The following PLCG2 variants were observed in gnomAD, a reference collection of about 807,000 sequenced individuals.
PLCG2 encodes 1-phosphatidylinositol 4,5-bisphosphate phosphodiesterase gamma-2.
Under a neutral mutation model 175.6 loss-of-function variants are expected in PLCG2, and 69 were observed. The ratio of observed to expected loss-of-function variants is 0.39; its 90% confidence interval spans 0.32 to 0.48. The LOEUF is 0.48. Ranked by LOEUF, PLCG2 falls within the 20% of genes least tolerant of loss-of-function variation. PLCG2 has a pLI of 0.91. For synonymous variants in PLCG2, 827 were observed against 624.0 expected, an observed-to-expected ratio of 1.33 and a Z score of -4.85; for missense variants, 1,798 against 1,650.9, an observed-to-expected ratio of 1.09 and a Z score of -1.54.
chr16:81,805,067 C>T (rs1911931826), intron 2 of PLCG2, among the ~76,000 whole-genome samples: 1 of 152,198 alleles, frequency 6.6e-6, no homozygotes, highest in Non-Finnish European at 1.5e-5. Flanking sequence ...GGAACAACAT[C>T]AGACACTTTT....
intron 2 of PLCG2, among the ~76,000 whole-genome samples, chr16:81,802,604 C>G (rs1597326812): frequency 6.6e-6 from 1 of 152,032 alleles, no homozygotes; most frequent in East Asian, 1.9e-4. Flanking sequence ...TGGAGTTTCA[C>G]TCTTGTCGCC....
At chr16:81,915,071 T>A (rs1909787163) in intron 19 of PLCG2, among the ~76,000 whole-genome samples, 1 of 152,240 alleles carries the variant, frequency 6.6e-6, no homozygotes. Flanking sequence ...AGCGTCACTG[T>A]CCTTCACTGA....
At position 81,961,213 on chromosome 16, in the gene PLCG2, G is replaced by A. The variant is rs951957100; in HGVS notation, c.*3215G>A. On this transcript the variant is annotated 3_prime_UTR_variant, in exon 33 of 33. Transcript: ENST00000564138. ...GTGATTCTGCTATCATAAAGCTTCC[G>A]TTCCCATTGATGTATCTGTGTGAAC... 1.8e-5 allele frequency: 4 copies of A among 226,426 alleles called. No individual in the cohort carries two copies. Among genetic ancestry groups the A allele is most frequent in the Admixed American group, 5.7e-5 (1 of 17,528 alleles). 14.0% of individuals were successfully genotyped at this position (226,426 alleles called of 1,614,324 possible).
At chr16:81,760,587 A>G (rs1008807573) in intron 2 of PLCG2, among the ~76,000 whole-genome samples, 2 of 151,830 alleles carry the variant, frequency 1.3e-5, no homozygotes, top group African/African-American at 4.8e-5. Context: ...TTTGCTGGGC[A>G]CCCAAAAAGA....
chr16:81,859,218 C>G, intron 5 of PLCG2, 55 bp downstream of exon 5: 1 of 1,155,816 alleles, frequency 8.7e-7, no homozygotes, highest in Non-Finnish European at 1.3e-6. Flanking sequence ...CTCATTCTAT[C>G]TTTAAACCTT....
intron 2 of PLCG2, among the ~76,000 whole-genome samples, chr16:81,839,764 A>G (rs1414302302): frequency 6.6e-6 from 1 of 152,232 alleles, no homozygotes; most frequent in Non-Finnish European, 1.5e-5. Context: ...AATGATGAAC[A>G]TTTAGGCTGG....
intron 30 of PLCG2, among the ~76,000 whole-genome samples, chr16:81,943,893 C>G (rs893288378): frequency 6.6e-6 from 1 of 152,114 alleles, no homozygotes; most frequent in Non-Finnish European, 1.5e-5. Context: ...TTTATACCCC[C>G]TCAAACTGTC....
Position 81,960,808 on chromosome 16 carries a change from C to G in PLCG2, c.*2810C>G, listed in dbSNP as rs911727860. 2 of 229,694 alleles carry G rather than the reference C, an allele frequency of 8.7e-6. No individual in the cohort carries two copies. The highest frequency in any genetic ancestry group is 1.7e-5 in the Non-Finnish European group (2 of 115,922). The allele number at this position is 229,694 out of a possible 1,614,324, so 14.2% of individuals were successfully genotyped here. A position where few individuals can be genotyped will look rare whatever the true frequency, so the allele number is the denominator to read the frequency against. On this transcript the variant is annotated 3_prime_UTR_variant, in exon 33 of 33. Transcript: ENST00000564138. ...CCTTTAGATTAAGCTAGCCTTACCCCTGGGAGTATACCAGAGCTTTCCAAG... is the reference window on the plus strand; with the variant it reads ...CCTTTAGATTAAGCTAGCCTTACCCGTGGGAGTATACCAGAGCTTTCCAAG...
chr16:81,908,556 C>T lies in PLCG2; in HGVS notation c.1698C>T (p.Ser566=), dbSNP rs11548654. The T allele has an allele frequency of 2.4e-5, 38 of 1,612,306 alleles. No individual in the cohort carries two copies. The highest frequency in any genetic ancestry group is 8.9e-5 in the East Asian group (4 of 44,880). ...GKDGTFLVRE[S]ETFPNDYTLS... The stretch of plus-strand genomic sequence containing the variant: ...ATGGCACCTTCCTGGTTCGGGAGAG[C>T]GAGACCTTCCCCAATGACTACACCC... Residue 566 remains serine, a synonymous_variant, in exon 17 of 33, where the codon AGC becomes AGT. Transcript: ENST00000564138.
At chr16:81,820,173 A>G (rs1423760406) in intron 2 of PLCG2, among the ~76,000 whole-genome samples, 1 of 152,256 alleles carries the variant, frequency 6.6e-6, no homozygotes, top group African/African-American at 2.4e-5. Flanking sequence ...TATACAATAA[A>G]AGGCACTCAT....
intron 7 of PLCG2, 119 bp downstream of exon 7, chr16:81,871,054 C>A: frequency 1.8e-6 from 1 of 566,488 alleles, no homozygotes; most frequent in Non-Finnish European, 3.1e-6. Flanking sequence ...GTCAAGGAAA[C>A]ATAAATGAGA....
intron 5 of PLCG2, among the ~76,000 whole-genome samples, chr16:81,860,317 C>G (rs1056351193): frequency 2.6e-5 from 4 of 151,916 alleles, no homozygotes; most frequent in African/African-American, 9.7e-5. Context: ...TGCTCCCAAT[C>G]CTTTATCATT....
chr16:81,908,677 G>C (rs1909486025), intron 17 of PLCG2, 86 bp downstream of exon 17: 2 of 1,210,158 alleles, frequency 1.7e-6, no homozygotes, highest in Admixed American at 2.5e-5. Flanking sequence ...GCTCAGGCAG[G>C]AATTGGGCAG....
At chr16:81,767,398 G>A (rs1235352524) in intron 2 of PLCG2, 1 of 151,998 alleles carries the variant, frequency 6.6e-6, no homozygotes, top group African/African-American at 2.4e-5. Context: ...CCCCGCCTTG[G>A]CCTACCAAAG....
rs953772826 is a variant in PLCG2, at chr16:81,960,270, T to C, written c.*2272T>C. On this transcript the variant is annotated 3_prime_UTR_variant, in exon 33 of 33. Coordinates refer to ENST00000564138, the MANE Select transcript of PLCG2 (RefSeq NM_002661.5). ...TGGTATGATGGCTCTTCCCAGAGTCTATGTGATGCTACATAACTTCAGTAT... is the reference window on the plus strand; with the variant it reads ...TGGTATGATGGCTCTTCCCAGAGTCCATGTGATGCTACATAACTTCAGTAT... The C allele has an allele frequency of 6.3e-5, 14 of 220,752 alleles. No homozygotes were observed. In the Admixed American group the frequency reaches 6.9e-4, roughly 11 times the overall value. 13.7% of individuals were successfully genotyped at this position (220,752 alleles called of 1,614,324 possible). A position where few individuals can be genotyped will look rare whatever the true frequency, so the allele number is the denominator to read the frequency against.
At chr16:81,904,750 G>A (rs1284370055) in intron 14 of PLCG2, among the ~76,000 whole-genome samples, 1 of 152,206 alleles carries the variant, frequency 6.6e-6, no homozygotes, top group Non-Finnish European at 1.5e-5. Flanking sequence ...CAACATCCCT[G>A]CCCTCATGGG....
chr16:81,910,774 A>G, intron 18 of PLCG2, 54 bp downstream of exon 18: 1 of 1,516,690 alleles, frequency 6.6e-7, no homozygotes, highest in South Asian at 1.1e-5. Flanking sequence ...TAGCTCCACC[A>G]GGCAGAGAAG....
intron 2 of PLCG2, among the ~76,000 whole-genome samples, chr16:81,841,696 T>C (rs2143427321): frequency 6.6e-6 from 1 of 152,350 alleles, no homozygotes; most frequent in East Asian, 1.9e-4. Context: ...TCATGCCTGC[T>C]AGATCCTTCT....
At chr16:81,792,062 T>A (rs1443811437) in intron 2 of PLCG2, among the ~76,000 whole-genome samples, 1 of 152,196 alleles carries the variant, frequency 6.6e-6, no homozygotes, top group African/African-American at 2.4e-5. Context: ...ATATCGATGG[T>A]AGGCAGGAAC....
Sources: allele counts gnomAD v4.1 joint callset (sites outside exome capture counted in the v4.1 genomes callset), GRCh38; gene constraint gnomAD v4.1.1; transcripts MANE v1.5; gene names NCBI Gene and HGNC (gene_info 2026-07-23, HGNC 2026-07-21).